SLC25A51: variants seen among roughly 807,000 people sequenced by gnomAD.
SLC25A51 encodes the protein mitochondrial nicotinamide adenine dinucleotide transporter SLC25A51.
Under a neutral mutation model 19.1 loss-of-function variants are expected in SLC25A51, and 11 were observed. The observed-to-expected ratio is 0.58, with a 90% CI of 0.36 to 0.96. The LOEUF (loss-of-function observed/expected upper bound fraction) is 0.96. SLC25A51 is among the 40% of genes least tolerant of loss of function. SLC25A51 has a pLI of 0.01. For missense variants in SLC25A51, 201 were observed against 365.4 expected (o/e 0.55, Z 3.67); for synonymous variants, 105 against 133.6 (o/e 0.79, Z 1.47).
chr9:37,891,940 C>G (rs1228069860), intron 2 of SLC25A51, among the ~76,000 whole-genome samples: 1 of 147,410 alleles, frequency 6.8e-6, no homozygotes, highest in Non-Finnish European at 1.5e-5. Context: ...ATAGTCACAG[C>G]CAGGCTTTTA....
At chr9:37,902,886 G>A (rs1157240817) in intron 1 of SLC25A51, among the ~76,000 whole-genome samples, 1 of 152,212 alleles carries the variant, frequency 6.6e-6, no homozygotes, top group Admixed American at 6.5e-5. Flanking sequence ...AAAAACTGGG[G>A]AGAGGGTGAC....
At chr9:37,900,451 A>G (rs79913154) in intron 1 of SLC25A51, among the ~76,000 whole-genome samples, 8 of 147,950 alleles carry the variant, frequency 5.4e-5, no homozygotes, top group African/African-American at 1.7e-4. Context: ...TCTATCCAGA[A>G]AAAAAAAAAA....
intron 2 of SLC25A51, among the ~76,000 whole-genome samples, chr9:37,896,335 C>T (rs1396362082): frequency 6.6e-6 from 1 of 151,922 alleles, no homozygotes; most frequent in Non-Finnish European, 1.5e-5. Flanking sequence ...ATTGCAGCAT[C>T]AAAATATAGT....
intron 2 of SLC25A51, among the ~76,000 whole-genome samples, chr9:37,896,218 T>C (rs1831711054): frequency 6.6e-6 from 1 of 152,194 alleles, no homozygotes; most frequent in African/African-American, 2.4e-5. Flanking sequence ...TTTCCATCAG[T>C]TGCAGCATAA....
At chr9:37,886,509 T>C, downstream of SLC25A51, 3 of 1,149,488 alleles carry the variant, frequency 2.6e-6, no homozygotes, top group Non-Finnish European at 3.6e-6. Flanking sequence ...GGTGGGGCAG[T>C]GCGCAGCTTC....
At chr9:37,903,603 T>A (rs1413400698) in intron 1 of SLC25A51, 1 of 152,260 alleles carries the variant, frequency 6.6e-6, no homozygotes. Context: ...TAAGTCCTCT[T>A]CCGTTTCTGA....
downstream of SLC25A51, chr9:37,885,997 G>A (rs1831448109): frequency 1.2e-6 from 2 of 1,613,632 alleles, no homozygotes; most frequent in South Asian, 2.2e-5. Flanking sequence ...TTGCCAATTG[G>A]TCTAATGACT....
chr9:37,900,832 T>A (rs1369058038), intron 1 of SLC25A51, among the ~76,000 whole-genome samples: 1 of 152,220 alleles, frequency 6.6e-6, no homozygotes, highest in African/African-American at 2.4e-5. Flanking sequence ...CAGCAGCTTG[T>A]GAATTACCAA....
chr9:37,897,383 T>G (rs1831741383), intron 2 of SLC25A51, among the ~76,000 whole-genome samples: 1 of 151,976 alleles, frequency 6.6e-6, no homozygotes, highest in Admixed American at 6.6e-5. Flanking sequence ...GGCTATTTAC[T>G]TCCATCAGTT....
chr9:37,885,683 G>T, downstream of SLC25A51: 1 of 1,303,652 alleles, frequency 7.7e-7, no homozygotes, highest in Non-Finnish European at 1.1e-6. Context: ...CGAAACCGGA[G>T]AGAGAAGCGG....
At position 37,902,825 on chromosome 9, in the gene SLC25A51, C is replaced by T. The variant is rs559431386; in HGVS notation, c.-165+1243G>A. The stretch of plus-strand genomic sequence containing the variant: ...TCTAAAACCTTATTATAATTTACAG[C>T]CTACATGGATCAGCATGATACAGAT... On this transcript the variant is annotated intron_variant, in intron 1 of 2. Coordinates refer to ENST00000242275, the MANE Select transcript of SLC25A51 (RefSeq NM_033412.4). Among the ~76,000 whole-genome samples, 3 of 152,256 alleles carry T rather than the reference C, an allele frequency of 2.0e-5. No homozygotes were observed. In the South Asian group the frequency reaches 6.2e-4, roughly 32 times the overall value.
chr9:37,884,315 G>A (rs987304618), downstream of SLC25A51, among the ~76,000 whole-genome samples: 4 of 152,200 alleles, frequency 2.6e-5, no homozygotes, highest in African/African-American at 7.2e-5. Context: ...TAAGGGATGA[G>A]AATGCTATTT....
At chr9:37,891,692 G>A (rs957571180) in intron 2 of SLC25A51, among the ~76,000 whole-genome samples, 8 of 151,964 alleles carry the variant, frequency 5.3e-5, no homozygotes, top group Admixed American at 1.3e-4. Flanking sequence ...CTCCCTAATC[G>A]CAAGTTCCCA....
chr9:37,899,422 C>A (rs985684361), intron 2 of SLC25A51, among the ~76,000 whole-genome samples: 1 of 151,882 alleles, frequency 6.6e-6, no homozygotes, highest in African/African-American at 2.4e-5. Flanking sequence ...CACTCTGTCA[C>A]CCAGGCTGGA....
chr9:37,886,471 A>G, downstream of SLC25A51: 2 of 1,418,132 alleles, frequency 1.4e-6, no homozygotes, highest in Non-Finnish European at 1.9e-6. Context: ...ACAGCCTTTT[A>G]TTTATGTTTT....
chr9:37,899,514 G>A (rs1047934290), intron 2 of SLC25A51, among the ~76,000 whole-genome samples: 3 of 152,090 alleles, frequency 2.0e-5, no homozygotes, highest in Non-Finnish European at 4.4e-5. Context: ...ACACACGTGC[G>A]CCACCATGCC....
At chr9:37,887,087 C>T (rs1467497559), downstream of SLC25A51, among the ~76,000 whole-genome samples, 2 of 151,878 alleles carry the variant, frequency 1.3e-5, no homozygotes, top group Admixed American at 1.3e-4. Context: ...GAGGCCGAGG[C>T]GGGTGGATCA....
intron 1 of SLC25A51, among the ~76,000 whole-genome samples, chr9:37,902,073 T>C (rs1409023505): frequency 6.6e-6 from 1 of 152,212 alleles, no homozygotes; most frequent in Non-Finnish European, 1.5e-5. Flanking sequence ...ACCATTTTAT[T>C]TTTACATACG....
intron 2 of SLC25A51, among the ~76,000 whole-genome samples, chr9:37,881,988 A>C (rs1831357317): frequency 6.6e-6 from 1 of 152,218 alleles, no homozygotes; most frequent in Admixed American, 6.5e-5. Context: ...AGGGTCATAA[A>C]ACTCAAACTA....
Sources: allele counts gnomAD v4.1 joint callset (sites outside exome capture counted in the v4.1 genomes callset), GRCh38; gene constraint gnomAD v4.1.1; transcripts MANE v1.5; gene names NCBI Gene and HGNC (gene_info 2026-07-23, HGNC 2026-07-21).